Variants in PSTPIP1 observed in about 807,000 individuals in gnomAD.
PSTPIP1 encodes proline-serine-threonine phosphatase-interacting protein 1.
In PSTPIP1, 66 loss-of-function variants were observed where a neutral mutation model predicts 69.6. The ratio of observed to expected loss-of-function variants is 0.95; its 90% CI spans 0.78 to 1.16. The LOEUF is 1.16. Among genes scored for constraint, PSTPIP1 ranks in the 50% most tolerant of loss-of-function variants. PSTPIP1 has a pLI of 0.00. For synonymous variants in PSTPIP1, 266 were observed against 222.7 expected (o/e 1.19, Z -1.73); for missense variants, 603 against 557.4 (o/e 1.08, Z -0.82).
At chr15:77,025,441 G>C in intron 4 of PSTPIP1, 57 bp from the exon 5 acceptor site, 1 of 1,589,340 alleles carries the variant, frequency 6.3e-7, no homozygotes, top group African/African-American at 1.3e-5. Flanking sequence ...TGAGTTGTGG[G>C]TGGCTGAGGC....
chr15:77,025,435 T>C, intron 4 of PSTPIP1, 63 bp from the exon 5 acceptor site: 1 of 1,583,158 alleles, frequency 6.3e-7, no homozygotes, highest in Admixed American at 1.7e-5. Context: ...CACGGGTGAG[T>C]TGTGGGTGGC....
At position 77,026,296 on chromosome 15, in the gene PSTPIP1, T is replaced by A. The variant is rs962913585; in HGVS notation, c.354+692T>A. 1.8e-5 allele frequency: 8 copies of A among 436,546 alleles called. No homozygotes were observed. In the Admixed American group the frequency reaches 1.9e-4, roughly 10 times the overall value. The allele number at this position is 436,546 out of a possible 1,614,324, so 27.0% of individuals were successfully genotyped here. ...GAGGCTGGGCTTGGGCCTGTGAGGA[T>A]GGGGGCTGAGCCTCTCAGGGCCTTA... On this transcript the variant is annotated intron_variant, in intron 5 of 14. Transcript: ENST00000558012.
At chr15:77,007,816 G>A (rs528409018) in intron 1 of PSTPIP1, 41 of 434,738 alleles carry the variant, frequency 9.4e-5, no homozygotes, top group African/African-American at 6.1e-4. Flanking sequence ...GGATGGTCTC[G>A]ATCTCCTGAC....
At chr15:77,003,900 G>T (rs2075765349) in intron 1 of PSTPIP1, among the ~76,000 whole-genome samples, 1 of 152,068 alleles carries the variant, frequency 6.6e-6, no homozygotes, top group Non-Finnish European at 1.5e-5. Flanking sequence ...AGTTCCCAGG[G>T]GACCCAGATT....
At chr15:77,028,100 C>T (rs1011953438) in intron 6 of PSTPIP1, among the ~76,000 whole-genome samples, 186 bp downstream of exon 6, 4 of 152,016 alleles carry the variant, frequency 2.6e-5, no homozygotes, top group Non-Finnish European at 5.9e-5. Flanking sequence ...GCTATGGCCC[C>T]GTGGGGATGG....
At chr15:77,036,979 G>A in intron 14 of PSTPIP1, 66 bp from the exon 15 acceptor site, 2 of 1,576,442 alleles carry the variant, frequency 1.3e-6, no homozygotes, top group Non-Finnish European at 1.7e-6. Flanking sequence ...GGAACGCCAG[G>A]CCCCTCCCTG....
chr15:77,013,431 T>G (rs576366654), intron 1 of PSTPIP1, among the ~76,000 whole-genome samples: 71 of 152,220 alleles, frequency 4.7e-4, no homozygotes, highest in Middle Eastern at 3.4e-3. Context: ...GCACAGGCCG[T>G]GACTGTAAAG....
At chr15:77,032,267 G>A (rs1321047458) in intron 10 of PSTPIP1, 31 bp from the exon 11 acceptor site, 7 of 1,605,212 alleles carry the variant, frequency 4.4e-6, no homozygotes, top group African/African-American at 2.7e-5. Context: ...AGTGGGCATC[G>A]GGCTGCGGCC....
At chr15:77,007,760 A>G (rs1596058621) in intron 1 of PSTPIP1, 1 of 369,518 alleles carries the variant, frequency 2.7e-6, no homozygotes, top group South Asian at 2.0e-5. Flanking sequence ...ATGCCCAGCT[A>G]ATTTTTTTGT....
chr15:77,036,501 C>CT (rs1434799741), intron 14 of PSTPIP1, among the ~76,000 whole-genome samples: 2 of 152,162 alleles, frequency 1.3e-5, no homozygotes, highest in Non-Finnish European at 2.9e-5. Context: ...TATGAGAGTC[C>CT]TTTCTGCTCC....
chr15:77,025,431 TGAG>T, intron 4 of PSTPIP1, 64 bp from the exon 5 acceptor site: 1 of 1,582,320 alleles, frequency 6.3e-7, no homozygotes, highest in Non-Finnish European at 8.7e-7. Flanking sequence ...CCCACACGGG[TGAG>T]TTGTGGGTGG....
intron 1 of PSTPIP1, among the ~76,000 whole-genome samples, chr15:77,012,152 TCCA>T (rs2075951971): frequency 3.0e-4 from 17 of 55,828 alleles, no homozygotes; most frequent in African/African-American, 1.0e-3. Flanking sequence ...CATCCATCCA[TCCA>T]TCCACCCACC....
At chr15:77,014,460 C>G (rs2076009743) in intron 1 of PSTPIP1, among the ~76,000 whole-genome samples, 1 of 152,208 alleles carries the variant, frequency 6.6e-6, no homozygotes, top group Non-Finnish European at 1.5e-5. Context: ...CCCGAGTACC[C>G]TCTCTGACCT....
At chr15:77,030,649 C>G (rs2076392471) in intron 9 of PSTPIP1, 68 bp downstream of exon 9, 2 of 1,464,888 alleles carry the variant, frequency 1.4e-6, no homozygotes, top group Admixed American at 4.2e-5. Flanking sequence ...CCTACTCCAG[C>G]TGCTTAAAGG....
intron 1 of PSTPIP1, among the ~76,000 whole-genome samples, chr15:77,009,164 G>A (rs2075881765): frequency 6.6e-6 from 1 of 152,198 alleles, no homozygotes. Context: ...GCCATCCCCT[G>A]CAGGTGTGGA....
rs1223328734 is a variant in PSTPIP1, at chr15:77,027,790, C to T, written c.355-62C>T. 6.5e-7 allele frequency: 1 copy of T among 1,545,656 alleles called. No homozygotes were observed. Among genetic ancestry groups the T allele is most frequent in the Non-Finnish European group, 8.7e-7 (1 of 1,143,234 alleles). ...CCTCATCCCAGGGACACTCCGTCCT[C>T]TTGGCCTAGGGGAGCCTCCCGAGGC... On this transcript the variant is annotated intron_variant, in intron 5 of 14. Transcript: ENST00000558012. The surrounding 1 kb of genome is among the most constrained non-coding windows in gnomAD (Gnocchi z 4.3).
rs2076440652 is a variant in PSTPIP1, at chr15:77,032,373, A to C, written c.817A>C (p.Ser273Arg). The change falls in exon 11 of 15, where the codon AGC becomes CGC. Residue 273 changes from serine (S) to arginine (R), a missense_variant. Coordinates refer to ENST00000558012, the MANE Select transcript of PSTPIP1 (RefSeq NM_003978.5). ...ADIDSFIQAKSTGTEPPAPVP... is the reference protein window; with the variant it reads ...ADIDSFIQAKRTGTEPPAPVP... The stretch of plus-strand genomic sequence containing the variant: ...CATCGACAGTTTCATCCAGGCCAAG[A>C]GCACGGGCACAGAGCCCCCCGGTGA... 1 of 1,612,682 alleles carries C rather than the reference A, an allele frequency of 6.2e-7. No individual in the cohort carries two copies. The highest frequency in any genetic ancestry group is 1.7e-5 in the Admixed American group (1 of 60,024).
At position 77,027,800 on chromosome 15, in the gene PSTPIP1, G is replaced by T; in HGVS notation, c.355-52G>T. 1 of 1,548,752 alleles carries T rather than the reference G, an allele frequency of 6.5e-7. No homozygotes were observed. Among genetic ancestry groups the T allele is most frequent in the East Asian group, 2.4e-5 (1 of 40,856 alleles). On this transcript the variant is annotated intron_variant, in intron 5 of 14. Transcript: ENST00000558012. The surrounding 1 kb of genome is among the most constrained non-coding windows in gnomAD (Gnocchi z 4.3). ...GGGACACTCCGTCCTCTTGGCCTAGGGGAGCCTCCCGAGGCCGCGGCCCTC... is the reference window on the plus strand; with the variant it reads ...GGGACACTCCGTCCTCTTGGCCTAGTGGAGCCTCCCGAGGCCGCGGCCCTC...
In PSTPIP1 at chr15:77,037,363, C is replaced by T. The variant is rs1044529751; in HGVS notation, c.*187C>T. ...TGTGCTGGGGTCCCGTTCTCTTTTT[C>T]TCCTGCTCCAGTGTCCGAGTGCTCA... On this transcript the variant is annotated 3_prime_UTR_variant, in exon 15 of 15. Transcript: ENST00000558012. The T allele has an allele frequency of 1.2e-5, 9 of 730,798 alleles. No homozygotes were observed. The highest frequency in any genetic ancestry group is 3.9e-5 in the South Asian group (2 of 51,094). The allele number at this position is 730,798 out of a possible 1,614,324, so 45.3% of individuals were successfully genotyped here.
Sources: gnomAD v4.1 joint callset for allele counts (sites outside exome capture counted in the v4.1 genomes callset) on GRCh38, gnomAD v4.1.1 for gene constraint, Gnocchi (gnomAD v3.1) non-coding constraint, MANE v1.5 for transcripts, NCBI Gene and HGNC (gene_info 2026-07-23, HGNC 2026-07-21) for gene names.